Variants in SEM1 observed in about 807,000 individuals in gnomAD.
SEM1 encodes the protein SEM1 26S proteasome subunit.
SEM1 carries 3 observed loss-of-function variants against 12.7 expected under a neutral mutation model. That is an observed-to-expected ratio of 0.24 (90% confidence interval 0.11 to 0.61). The LOEUF is 0.61. Ranked by LOEUF, SEM1 falls within the 20% of genes least tolerant of loss-of-function variation. The pLI is 0.88. For missense variants in SEM1, 59 were observed against 81.3 expected (o/e 0.73, Z 1.06); for synonymous variants, 30 against 27.8 (o/e 1.08, Z -0.25).
At chr7:96,580,752 G>T (rs1308363786) in intron 2 of SEM1, among the ~76,000 whole-genome samples, 4 of 151,874 alleles carry the variant, frequency 2.6e-5, no homozygotes, top group Non-Finnish European at 4.4e-5. Flanking sequence ...GTGTTTTTTG[G>T]CTGCATAAAT....
intron 2 of SEM1, among the ~76,000 whole-genome samples, chr7:96,693,983 G>A (rs1248783554): frequency 2.0e-5 from 3 of 151,838 alleles, no homozygotes; most frequent in African/African-American, 4.8e-5. Context: ...ATACAATATG[G>A]AACATGTATA....
intron 2 of SEM1, among the ~76,000 whole-genome samples, chr7:96,557,083 T>C (rs1805532032): frequency 6.9e-6 from 1 of 144,416 alleles, no homozygotes; most frequent in Non-Finnish European, 1.5e-5. Flanking sequence ...ATTCTAGTTA[T>C]ACATTCTTCT....
At chr7:96,643,532 A>G (rs1808684078) in intron 2 of SEM1, among the ~76,000 whole-genome samples, 1 of 152,066 alleles carries the variant, frequency 6.6e-6, no homozygotes, top group Non-Finnish European at 1.5e-5. Flanking sequence ...ACTATTCACA[A>G]TAGAAAAGAC....
At chr7:96,605,376 C>A (rs1160692650) in intron 2 of SEM1, among the ~76,000 whole-genome samples, 2 of 152,082 alleles carry the variant, frequency 1.3e-5, no homozygotes, top group African/African-American at 4.8e-5. Flanking sequence ...ATAGGAAAAT[C>A]ATATAAAAGC....
chr7:96,628,107 G>A (rs566699023), intron 2 of SEM1, among the ~76,000 whole-genome samples: 2 of 151,636 alleles, frequency 1.3e-5, no homozygotes, highest in Admixed American at 6.6e-5. Context: ...GTTTCCATTT[G>A]CATGGAATAT....
intron 3 of SEM1, among the ~76,000 whole-genome samples, chr7:96,505,804 G>A (rs562263440): frequency 1.6e-4 from 24 of 152,068 alleles, no homozygotes; most frequent in African/African-American, 4.6e-4. Context: ...TAACCACCTC[G>A]CAAAACCCTC....
intron 2 of SEM1, among the ~76,000 whole-genome samples, chr7:96,563,905 A>G (rs919811162): frequency 2.6e-5 from 4 of 152,108 alleles, no homozygotes; most frequent in Non-Finnish European, 4.4e-5. Context: ...TATAAGCTTC[A>G]GTTAGATTCA....
intron 2 of SEM1, chr7:96,650,630 AC>A (rs944238576): frequency 7.7e-6 from 5 of 647,836 alleles, no homozygotes; most frequent in African/African-American, 5.5e-5. Flanking sequence ...TTTAAATGAA[AC>A]CCCCCAAGTT....
chr7:96,611,709 A>C (rs1807545822), intron 2 of SEM1, among the ~76,000 whole-genome samples: 1 of 152,216 alleles, frequency 6.6e-6, no homozygotes, highest in South Asian at 2.1e-4. Context: ...CTTTTGGGTC[A>C]GCCTAACATA....
upstream of SEM1, among the ~76,000 whole-genome samples, chr7:96,497,251 A>G (rs955046456): frequency 6.6e-6 from 1 of 152,130 alleles, no homozygotes; most frequent in African/African-American, 2.4e-5. Context: ...AAAAAAACAA[A>G]AAAAATCAAA....
intron 2 of SEM1, among the ~76,000 whole-genome samples, chr7:96,565,081 T>G (rs562605183): frequency 6.6e-6 from 1 of 152,070 alleles, no homozygotes; most frequent in African/African-American, 2.4e-5. Flanking sequence ...CCCTATAAAC[T>G]CAGAGAACAA....
chr7:96,620,203 G>A (rs114198099), downstream of SEM1, among the ~76,000 whole-genome samples: 455 of 152,080 alleles, frequency 3.0e-3, 2 homozygotes, highest in African/African-American at 0.011. Flanking sequence ...GGAGGGTGGG[G>A]CACCTCCCAG....
Position 96,639,680 on chromosome 7 carries a change from G to A in SEM1, c.171-17037C>T, listed in dbSNP as rs7806839. Among the ~76,000 whole-genome samples the A allele has an allele frequency of 4.1e-3, 624 of 151,958 alleles. 3 individuals are homozygous for A. The highest frequency in any genetic ancestry group is 0.015 in the African/African-American group (610 of 41,488). ...CTTTGGGTTTGGTAATGACTTTTTA[G>A]ATGCAGCACCAAAGGCATGATCCAT... is the stretch of plus-strand genomic sequence containing the variant. On this transcript the variant is annotated intron_variant, in intron 2 of 2. Transcript: ENST00000417009.
At chr7:96,597,694 T>TAC (rs917519434) in intron 2 of SEM1, among the ~76,000 whole-genome samples, 4 of 92,836 alleles carry the variant, frequency 4.3e-5, no homozygotes, top group African/African-American at 1.0e-4. Context: ...TATATATATA[T>TAC]ACACACACAC....
intron 2 of SEM1, among the ~76,000 whole-genome samples, chr7:96,674,369 A>G (rs964922886): frequency 4.6e-5 from 7 of 152,156 alleles, no homozygotes; most frequent in Non-Finnish European, 1.0e-4. Flanking sequence ...AAAGAAGTAT[A>G]CAGGCTGGGT....
At chr7:96,579,986 T>C (rs1205971367) in intron 2 of SEM1, among the ~76,000 whole-genome samples, 1 of 151,800 alleles carries the variant, frequency 6.6e-6, no homozygotes, top group Non-Finnish European at 1.5e-5. Flanking sequence ...ATTATTATTA[T>C]ACTTTAAGTT....
intron 2 of SEM1, among the ~76,000 whole-genome samples, chr7:96,537,211 C>T (rs1804812256): frequency 1.3e-5 from 2 of 151,608 alleles, no homozygotes; most frequent in Non-Finnish European, 3.0e-5. Context: ...CTCTCTATGG[C>T]CCCTTGTGAC....
chr7:96,574,029 G>T (rs892382086), intron 2 of SEM1, among the ~76,000 whole-genome samples: 1 of 151,844 alleles, frequency 6.6e-6, no homozygotes, highest in South Asian at 2.1e-4. Flanking sequence ...TTGGTGTGCT[G>T]CACCCGTTAA....
chr7:96,582,236 GTTT>G (rs1806435572), intron 2 of SEM1, among the ~76,000 whole-genome samples: 1 of 149,502 alleles, frequency 6.7e-6, no homozygotes, highest in African/African-American at 2.5e-5. Flanking sequence ...TAATCATGTG[GTTT>G]TTGTCTTTGG....
Sources: gnomAD v4.1 joint callset for allele counts (sites outside exome capture counted in the v4.1 genomes callset) on GRCh38, gnomAD v4.1.1 for gene constraint, MANE v1.5 for transcripts, NCBI Gene and HGNC (gene_info 2026-07-23, HGNC 2026-07-21) for gene names.